Variants in ERC2 observed in about 807,000 individuals in gnomAD.
ERC2 encodes ERC protein 2.
ERC2 carries 42 observed loss-of-function variants against 114.8 expected under a neutral mutation model. The observed-to-expected ratio is 0.37, with a 90% confidence interval of 0.29 to 0.47. The LOEUF (loss-of-function observed/expected upper bound fraction) is 0.47, where lower values mean the gene tolerates loss of function less well. ERC2 is among the 20% of genes least tolerant of loss of function. The pLI is 0.99. For synonymous variants in ERC2, 454 were observed against 425.5 expected (o/e 1.07, Z -0.82); for missense variants, 939 against 1,150.7 (o/e 0.82, Z 2.66).
At chr3:56,212,686 A>T (rs2049144943) in intron 3 of ERC2, among the ~76,000 whole-genome samples, 1 of 152,204 alleles carries the variant, frequency 6.6e-6, no homozygotes, top group Non-Finnish European at 1.5e-5. Flanking sequence ...CAATTGCAAA[A>T]ATATGGAACC....
chr3:55,811,705 G>A (rs920644127), intron 14 of ERC2, among the ~76,000 whole-genome samples: 2 of 152,038 alleles, frequency 1.3e-5, no homozygotes, highest in African/African-American at 4.8e-5. Flanking sequence ...ATATCACCTT[G>A]CTTCCTCCAG....
chr3:55,528,633 G>A (rs532967127), intron 17 of ERC2, among the ~76,000 whole-genome samples: 7 of 152,224 alleles, frequency 4.6e-5, no homozygotes, highest in Admixed American at 3.3e-4. Flanking sequence ...GATATTTCTT[G>A]AGCATCCATT....
chr3:55,630,767 A>AG (rs1266773772), intron 17 of ERC2, among the ~76,000 whole-genome samples: 2 of 152,092 alleles, frequency 1.3e-5, no homozygotes, highest in African/African-American at 4.8e-5. Flanking sequence ...TTACACAAAG[A>AG]TTTTTTTCTT....
At chr3:56,259,475 A>G (rs1453243696) in intron 3 of ERC2, among the ~76,000 whole-genome samples, 1 of 152,142 alleles carries the variant, frequency 6.6e-6, no homozygotes, top group African/African-American at 2.4e-5. Context: ...TTTATGAAAA[A>G]TTGAGCAGAA....
At chr3:55,979,504 A>C (rs532544361) in intron 12 of ERC2, among the ~76,000 whole-genome samples, 1 of 152,364 alleles carries the variant, frequency 6.6e-6, no homozygotes, top group African/African-American at 2.4e-5. Context: ...TAGAAATAGT[A>C]CATTCCATCA....
At chr3:55,547,004 G>A (rs996843960) in intron 17 of ERC2, among the ~76,000 whole-genome samples, 5 of 152,250 alleles carry the variant, frequency 3.3e-5, no homozygotes, top group Non-Finnish European at 7.3e-5. Context: ...TCAGCCCTGG[G>A]ACTTTGAGAC....
chr3:56,239,068 T>C (rs1278757257), intron 3 of ERC2, among the ~76,000 whole-genome samples: 2 of 152,302 alleles, frequency 1.3e-5, no homozygotes, highest in Middle Eastern at 3.4e-3. Context: ...AAATTCTCCA[T>C]GTGGCATAAG....
At chr3:56,042,988 T>C (rs1202420305) in intron 7 of ERC2, among the ~76,000 whole-genome samples, 1 of 152,140 alleles carries the variant, frequency 6.6e-6, no homozygotes, top group Non-Finnish European at 1.5e-5. Context: ...TCTAGAAATA[T>C]TTTATGATTT....
intron 6 of ERC2, among the ~76,000 whole-genome samples, chr3:56,103,622 G>A (rs991916043): frequency 4.6e-5 from 7 of 152,128 alleles, no homozygotes; most frequent in Non-Finnish European, 8.8e-5. Context: ...GCAGGAGAGT[G>A]AGAGTGGCAT....
At chr3:55,716,580 G>T (rs1015898846) in intron 15 of ERC2, among the ~76,000 whole-genome samples, 3 of 152,170 alleles carry the variant, frequency 2.0e-5, no homozygotes, top group Admixed American at 6.5e-5. Context: ...TATCAAGGAA[G>T]CTGCTCTAGA....
At chr3:55,633,706 G>A (rs1405052200) in intron 17 of ERC2, among the ~76,000 whole-genome samples, 1 of 152,202 alleles carries the variant, frequency 6.6e-6, no homozygotes, top group Non-Finnish European at 1.5e-5. Context: ...AGGATAATGG[G>A]TGAAATGTTT....
chr3:55,614,962 A>C (rs2059065194), intron 17 of ERC2, among the ~76,000 whole-genome samples: 1 of 152,398 alleles, frequency 6.6e-6, no homozygotes, highest in African/African-American at 2.4e-5. Flanking sequence ...TACCACTTTA[A>C]GGAAGTGTGT....
At chr3:56,171,308 T>G (rs1232520070) in intron 4 of ERC2, among the ~76,000 whole-genome samples, 1 of 152,168 alleles carries the variant, frequency 6.6e-6, no homozygotes, top group Non-Finnish European at 1.5e-5. Context: ...ATGGCTGGGA[T>G]GACCCTCCAC....
rs1050937789 is a variant in ERC2, at chr3:55,811,274, CTTAA to C, written c.2565-76360_2565-76357del. Among the ~76,000 whole-genome samples, 5 of 152,292 alleles carry C rather than the reference CTTAA, an allele frequency of 3.3e-5. No homozygotes were observed. In the East Asian group the frequency reaches 5.8e-4, roughly 18 times the overall value. On this transcript the variant is annotated intron_variant, in intron 14 of 17. Coordinates refer to ENST00000288221, the MANE Select transcript of ERC2 (RefSeq NM_015576.3). ...ATGTGCCATATCAAGCATGCCTTTT[CTTAA>C]TTAATCCCAAACGCAACCTTGACAT...
In ERC2 at chr3:55,781,365, T is replaced by C. The variant is rs139339465; in HGVS notation, c.2565-46447A>G. On this transcript the variant is annotated intron_variant, in intron 14 of 17. Coordinates refer to ENST00000288221, the MANE Select transcript of ERC2 (RefSeq NM_015576.3). ...AACCACAGGCCCTGCCCACCAGCCC[T>C]GCTCTCCAGGGTAGGTGCTCAGAAA... Among the ~76,000 whole-genome samples, 217 of 152,292 alleles carry C rather than the reference T, an allele frequency of 1.4e-3. 2 individuals carry two copies. The highest frequency in any genetic ancestry group is 0.01 in the Middle Eastern group (3 of 294).
At chr3:56,171,651 T>A (rs2082672940) in intron 4 of ERC2, among the ~76,000 whole-genome samples, 1 of 152,092 alleles carries the variant, frequency 6.6e-6, no homozygotes. Flanking sequence ...AGTGAGTTTT[T>A]TATTTATAAA....
intron 3 of ERC2, among the ~76,000 whole-genome samples, chr3:56,220,390 A>C (rs1057226626): frequency 6.6e-6 from 1 of 152,216 alleles, no homozygotes; most frequent in Admixed American, 6.5e-5. Context: ...TGGGTTTTGG[A>C]AACACTGCCT....
chr3:56,203,463 G>A (rs913924795), intron 3 of ERC2, among the ~76,000 whole-genome samples: 7 of 152,220 alleles, frequency 4.6e-5, no homozygotes, highest in South Asian at 2.1e-4. Context: ...TTAAGTTATC[G>A]TATACTCTCC....
intron 14 of ERC2, among the ~76,000 whole-genome samples, chr3:55,873,552 G>T (rs1326254469): frequency 6.6e-6 from 1 of 152,204 alleles, no homozygotes; most frequent in South Asian, 2.1e-4. Context: ...ATGAGTTTCT[G>T]CTTTAGGATA....
Sources: allele counts gnomAD v4.1 joint callset (sites outside exome capture counted in the v4.1 genomes callset), GRCh38; gene constraint gnomAD v4.1.1; transcripts MANE v1.5; gene names NCBI Gene and HGNC (gene_info 2026-07-23, HGNC 2026-07-21).